The following CCDC63 variants were observed in gnomAD, a reference collection of about 807,000 sequenced individuals.
CCDC63 encodes the protein coiled-coil domain containing 63, also known as coiled-coil domain-containing protein 63.
A neutral mutation model predicts 63.6 loss-of-function variants in CCDC63; 54 were observed. That is an observed-to-expected ratio of 0.85 (90% CI 0.68 to 1.07). The LOEUF (loss-of-function observed/expected upper bound fraction) is 1.07, where lower values mean the gene tolerates loss of function less well. CCDC63 is among the 50% of genes least tolerant of loss of function. The pLI is 0.00. For missense variants in CCDC63, 637 were observed against 689.6 expected (o/e 0.92, Z 0.86); for synonymous variants, 253 against 266.1 (o/e 0.95, Z 0.48).
At chr12:110,861,571 C>G (rs1284309667) in intron 4 of CCDC63, among the ~76,000 whole-genome samples, 1 of 151,906 alleles carries the variant, frequency 6.6e-6, no homozygotes, top group African/African-American at 2.4e-5. Flanking sequence ...GGTCTCAGCT[C>G]AAATGCTCTT....
chr12:110,898,434 G>A (rs540916549), intron 9 of CCDC63, among the ~76,000 whole-genome samples: 51 of 145,398 alleles, frequency 3.5e-4, no homozygotes, highest in Middle Eastern at 3.6e-3. Flanking sequence ...AGCAGCCTGC[G>A]TCTCTACTAA....
intron 5 of CCDC63, among the ~76,000 whole-genome samples, chr12:110,877,720 T>C (rs1426085639): frequency 2.0e-5 from 3 of 151,124 alleles, no homozygotes; most frequent in African/African-American, 4.9e-5. Flanking sequence ...TTTTTTTTTT[T>C]TTTGAGACTG....
chr12:110,885,188 AAAAG>A (rs2071263425), intron 8 of CCDC63, among the ~76,000 whole-genome samples: 1 of 149,260 alleles, frequency 6.7e-6, no homozygotes, highest in South Asian at 2.2e-4. Flanking sequence ...AGAAAAAAAA[AAAAG>A]AGAGAGAGAG....
At chr12:110,902,573 TC>T (rs1054080176) in intron 10 of CCDC63, among the ~76,000 whole-genome samples, 1 of 151,036 alleles carries the variant, frequency 6.6e-6, no homozygotes, top group Non-Finnish European at 1.5e-5. Flanking sequence ...CACCCCCTAC[TC>T]CCCCCGACCA....
chr12:110,896,223 C>G (rs1334047934), intron 9 of CCDC63, among the ~76,000 whole-genome samples: 1 of 152,140 alleles, frequency 6.6e-6, no homozygotes, highest in African/African-American at 2.4e-5. Context: ...TCACTGCAGC[C>G]TCAACCTCCC....
chr12:110,904,196 G>T (rs746104456), intron 10 of CCDC63, among the ~76,000 whole-genome samples: 165 of 152,126 alleles, frequency 1.1e-3, no homozygotes, highest in Non-Finnish European at 5.4e-4. Flanking sequence ...ACAAAAATTA[G>T]CTGGGCACGG....
intron 5 of CCDC63, among the ~76,000 whole-genome samples, chr12:110,879,450 C>T (rs1390653893): frequency 6.6e-6 from 1 of 152,126 alleles, no homozygotes; most frequent in Non-Finnish European, 1.5e-5. Flanking sequence ...ATCATCCAGC[C>T]CAAAATGCCA....
intron 9 of CCDC63, among the ~76,000 whole-genome samples, chr12:110,898,450 C>CAA (rs758242458): frequency 1.5e-4 from 13 of 88,662 alleles, no homozygotes; most frequent in Admixed American, 9.7e-4. Context: ...ACTAAAAATA[C>CAA]AAAAAAAAAA....
chr12:110,895,183 G>C (rs1283470151), intron 9 of CCDC63, among the ~76,000 whole-genome samples: 4 of 149,458 alleles, frequency 2.7e-5, no homozygotes, highest in Non-Finnish European at 4.5e-5. Flanking sequence ...GCACGATCTC[G>C]GTTCACTGCA....
intron 1 of CCDC63, among the ~76,000 whole-genome samples, chr12:110,851,065 T>C (rs569672431): frequency 2.0e-5 from 3 of 152,238 alleles, no homozygotes; most frequent in Non-Finnish European, 4.4e-5. Context: ...GACTTACCAC[T>C]GAATTCCACA....
At chr12:110,906,792 G>C (rs868719108) in intron 11 of CCDC63, among the ~76,000 whole-genome samples, 2 of 152,114 alleles carry the variant, frequency 1.3e-5, no homozygotes, top group Admixed American at 6.5e-5. Context: ...TTCCTAAAAG[G>C]TTGGGGGGAG....
intron 8 of CCDC63, among the ~76,000 whole-genome samples, chr12:110,886,733 C>A (rs2071284979): frequency 1.3e-5 from 2 of 152,098 alleles, no homozygotes; most frequent in Admixed American, 6.5e-5. Flanking sequence ...GGTGCAAGCC[C>A]TGCAGGTCCC....
rs750669859 is a variant in CCDC63, at chr12:110,884,064, G to A, written c.888G>A (p.Arg296=). ...LKAKKHVKKN[R]GESFESYEVA... ...CAAAGAAGCATGTCAAGAAGAACAGGGGAGAGAGTTTTGAGAGCTATGAGG... is the reference window on the plus strand; with the variant it reads ...CAAAGAAGCATGTCAAGAAGAACAGAGGAGAGAGTTTTGAGAGCTATGAGG... Residue 296 remains arginine (R), a synonymous_variant, in exon 8 of 12, where the codon AGG becomes AGA. Transcript: ENST00000308208. 2 of 1,614,002 alleles carry A rather than the reference G, an allele frequency of 1.2e-6. No homozygotes were observed. The highest frequency in any genetic ancestry group is 1.3e-5 in the African/African-American group (1 of 74,912).
chr12:110,904,356 A>T (rs902549450), intron 10 of CCDC63, among the ~76,000 whole-genome samples: 1 of 151,138 alleles, frequency 6.6e-6, no homozygotes. Context: ...AAAAAAAGTC[A>T]ATTATTTTTC....
At chr12:110,863,374 T>A (rs1326696313) in intron 4 of CCDC63, among the ~76,000 whole-genome samples, 1 of 152,074 alleles carries the variant, frequency 6.6e-6, no homozygotes, top group Non-Finnish European at 1.5e-5. Context: ...ACAGTTCCCT[T>A]GACACCTGAT....
At chr12:110,877,953 C>T (rs908945264) in intron 5 of CCDC63, among the ~76,000 whole-genome samples, 23 of 152,030 alleles carry the variant, frequency 1.5e-4, no homozygotes, top group Non-Finnish European at 2.9e-4. Flanking sequence ...GTGATCCACC[C>T]GCCTCAGCCT....
intron 4 of CCDC63, among the ~76,000 whole-genome samples, chr12:110,861,949 T>C (rs1330134929): frequency 2.0e-5 from 3 of 152,108 alleles, no homozygotes; most frequent in East Asian, 3.9e-4. Flanking sequence ...CCGAAATACC[T>C]TGTGTCTCCT....
intron 4 of CCDC63, among the ~76,000 whole-genome samples, chr12:110,865,152 T>C (rs1256046297): frequency 6.6e-6 from 1 of 152,138 alleles, no homozygotes; most frequent in Admixed American, 6.6e-5. Flanking sequence ...ACGGTGGCCT[T>C]GGATATGGGA....
rs566398512 is a variant in CCDC63, at chr12:110,855,116, A to G, written c.179+1542A>G. ...TGAAAAGGGATTCTTTAGATTTTCC[A>G]TGGATTCAACTTACTCAGGGCCAGG... On this transcript the variant is annotated intron_variant, in intron 3 of 11. Transcript: ENST00000308208. Among the ~76,000 whole-genome samples the G allele has an allele frequency of 1.5e-4, 23 of 152,332 alleles. No individual in the cohort carries two copies. In the South Asian group the frequency reaches 3.7e-3, roughly 25 times the overall value.
Sources: allele counts gnomAD v4.1 joint callset (sites outside exome capture counted in the v4.1 genomes callset), GRCh38; gene constraint gnomAD v4.1.1; transcripts MANE v1.5; gene names NCBI Gene and HGNC (gene_info 2026-07-23, HGNC 2026-07-21).